LINGO2: variants seen among roughly 807,000 people sequenced by gnomAD.
LINGO2 encodes the protein leucine rich repeat and Ig domain containing 2.
Under a neutral mutation model 30.6 loss-of-function variants are expected in LINGO2, and 14 were observed. That is an observed-to-expected ratio of 0.46 (90% confidence interval 0.30 to 0.72). The LOEUF (loss-of-function observed/expected upper bound fraction) is 0.72, where lower values mean the gene tolerates loss of function less well. Among genes scored for constraint, LINGO2 ranks in the 30% least tolerant of loss-of-function variants. The pLI is 0.07. For synonymous variants in LINGO2, 317 were observed against 288.5 expected, an observed-to-expected ratio of 1.10 and a Z score of -1.00; for missense variants, 729 against 751.7, an observed-to-expected ratio of 0.97 and a Z score of 0.35.
At chr9:28,417,999 G>T (rs533901837) in intron 2 of LINGO2, among the ~76,000 whole-genome samples, 2 of 152,248 alleles carry the variant, frequency 1.3e-5, no homozygotes, top group East Asian at 3.9e-4. Context: ...ATCATTCTTA[G>T]ACTTGAAGCA....
chr9:28,947,729 A>G, the LINGO2 span, among the ~76,000 whole-genome samples: 4 of 151,396 alleles, frequency 2.6e-5, no homozygotes, highest in Non-Finnish European at 4.4e-5. Context: ...TATAATATGC[A>G]TATTATATAT....
At chr9:28,719,614 T>G in the LINGO2 span, among the ~76,000 whole-genome samples, 1 of 152,108 alleles carries the variant, frequency 6.6e-6, no homozygotes, top group East Asian at 1.9e-4. Context: ...CCTTCTCTTT[T>G]TATGTTTTCC....
intron 2 of LINGO2, among the ~76,000 whole-genome samples, chr9:28,424,499 G>T (rs1362232004): frequency 1.3e-5 from 2 of 152,092 alleles, no homozygotes; most frequent in Non-Finnish European, 2.9e-5. Flanking sequence ...ATATGATCAG[G>T]CTCACTGAGA....
chr9:27,974,134 T>G (rs1410828411), intron 5 of LINGO2, among the ~76,000 whole-genome samples: 2 of 152,132 alleles, frequency 1.3e-5, no homozygotes, highest in Non-Finnish European at 2.9e-5. Flanking sequence ...CCATCACAAC[T>G]GCTGCGTGAA....
chr9:28,138,254 C>T (rs1292765282), intron 4 of LINGO2, among the ~76,000 whole-genome samples: 1 of 152,194 alleles, frequency 6.6e-6, no homozygotes, highest in East Asian at 1.9e-4. Flanking sequence ...TTACCTAAAA[C>T]ACTGTTCAGT....
the LINGO2 span, among the ~76,000 whole-genome samples, chr9:28,935,470 A>T: frequency 6.6e-6 from 1 of 151,772 alleles, no homozygotes; most frequent in Non-Finnish European, 1.5e-5. Context: ...TTAAAAGTTA[A>T]GGCAATGTAA....
the LINGO2 span, among the ~76,000 whole-genome samples, chr9:28,894,218 G>A: frequency 6.6e-6 from 1 of 152,048 alleles, no homozygotes. Context: ...ACATACGTGT[G>A]CATGTGTCTT....
At position 28,262,348 on chromosome 9, in the gene LINGO2, T is replaced by A. The variant is rs10968420; in HGVS notation, c.-87+32860A>T. 0.016 allele frequency among the ~76,000 whole-genome samples: 2,423 copies of A among 152,012 alleles called. 139 individuals carry two copies. In the East Asian group the frequency reaches 0.18, roughly 11 times the overall value. Reference sequence around the variant, plus strand: ...GAGTTAAAAATTACAAAAGATCTATTATAGCTTCAATGACACAGAGAAGAG... The same window carrying A: ...GAGTTAAAAATTACAAAAGATCTATAATAGCTTCAATGACACAGAGAAGAG... On this transcript the variant is annotated intron_variant, in intron 4 of 5. Transcript: ENST00000379992.
At chr9:28,558,883 A>C (rs1822892475) in intron 1 of LINGO2, among the ~76,000 whole-genome samples, 1 of 152,048 alleles carries the variant, frequency 6.6e-6, no homozygotes, top group Non-Finnish European at 1.5e-5. Flanking sequence ...TTCCCAAAAA[A>C]AGAATCTATA....
At position 28,617,220 on chromosome 9, in the gene LINGO2, AAAAG is replaced by A. The variant is rs558083405; in HGVS notation, c.-365+52976_-365+52979del. ...TAATTAGTTTCATGATTATAGCATTAAAAGACTCTATCTATCTGTCTTTCTACTT... is the reference window on the plus strand; with the variant it reads ...TAATTAGTTTCATGATTATAGCATTAACTCTATCTATCTGTCTTTCTACTT... On this transcript the variant is annotated intron_variant, in intron 1 of 5. Transcript: ENST00000379992. 3.7e-4 allele frequency among the ~76,000 whole-genome samples: 56 copies of A among 152,278 alleles called. 1 individual carries two copies. In the South Asian group the frequency reaches 8.5e-3, roughly 23 times the overall value.
chr9:28,440,547 T>C (rs1309392314), intron 2 of LINGO2, among the ~76,000 whole-genome samples: 1 of 152,122 alleles, frequency 6.6e-6, no homozygotes, highest in Non-Finnish European at 1.5e-5. Flanking sequence ...TTCTTAAACC[T>C]TCCAGAGCTT....
Position 28,008,759 on chromosome 9 carries a change from T to C in LINGO2, c.-36+3596A>G, listed in dbSNP as rs1199684469. Among the ~76,000 whole-genome samples, 5 of 152,102 alleles carry C rather than the reference T, an allele frequency of 3.3e-5. No homozygotes were observed. The East Asian group carries it at 9.6e-4, about 29-fold the overall frequency. ...AAAACTAAAACATTGTTGAAAGACA[T>C]TAAAGGCCTAAGCATATGGAAATAT... is the stretch of plus-strand genomic sequence containing the variant. On this transcript the variant is annotated intron_variant, in intron 5 of 5. Transcript: ENST00000379992.
intron 1 of LINGO2, among the ~76,000 whole-genome samples, chr9:28,557,005 A>G (rs1405214482): frequency 1.3e-5 from 2 of 151,830 alleles, no homozygotes; most frequent in Non-Finnish European, 2.9e-5. Flanking sequence ...TTCAAGATGG[A>G]TTAAAGACTT....
At chr9:29,056,562 T>A in the LINGO2 span, among the ~76,000 whole-genome samples, 1 of 152,182 alleles carries the variant, frequency 6.6e-6, no homozygotes, top group African/African-American at 2.4e-5. Context: ...TCCTGCTGAT[T>A]ATTTCTTTTG....
the LINGO2 span, among the ~76,000 whole-genome samples, chr9:28,734,314 G>A: frequency 6.6e-6 from 1 of 152,144 alleles, no homozygotes; most frequent in East Asian, 1.9e-4. Flanking sequence ...CACATCCCAG[G>A]CGGGACAAAG....
At chr9:29,076,646 A>T in the LINGO2 span, among the ~76,000 whole-genome samples, 63,069 of 145,630 alleles carry the variant, frequency 0.43, 15,138 homozygotes, top group Non-Finnish European at 0.55. Context: ...TATATATATA[A>T]AATAAATTCA....
the LINGO2 span, among the ~76,000 whole-genome samples, chr9:28,996,119 A>T: frequency 7.7e-5 from 3 of 39,142 alleles, no homozygotes; most frequent in Non-Finnish European, 1.3e-4. Flanking sequence ...ATATTGCTTT[A>T]AAAAAAAAAA....
the LINGO2 span, among the ~76,000 whole-genome samples, chr9:28,689,342 C>T: frequency 6.6e-6 from 1 of 152,018 alleles, no homozygotes; most frequent in African/African-American, 2.4e-5. Flanking sequence ...AGTGGATCTT[C>T]CCCATTTTAG....
the LINGO2 span, among the ~76,000 whole-genome samples, chr9:29,116,224 CAT>C: frequency 6.6e-6 from 1 of 151,844 alleles, no homozygotes; most frequent in East Asian, 1.9e-4. Context: ...TCCTAAGAAA[CAT>C]ATCTATACTC....
Sources: allele counts gnomAD v4.1 joint callset (sites outside exome capture counted in the v4.1 genomes callset), GRCh38; gene constraint gnomAD v4.1.1; transcripts MANE v1.5; gene names NCBI Gene and HGNC (gene_info 2026-07-23, HGNC 2026-07-21).